Variants in ABCG2 observed in about 807,000 individuals in gnomAD.
ABCG2 encodes the protein ATP binding cassette subfamily G member 2 (JR blood group), also known as broad substrate specificity ATP-binding cassette transporter ABCG2.
In ABCG2, 80 loss-of-function variants were observed where a neutral mutation model predicts 73.5. That is an observed-to-expected ratio of 1.09 (90% confidence interval 0.91 to 1.31). The LOEUF is 1.31. Among genes scored for constraint, ABCG2 ranks in the 50% most tolerant of loss-of-function variants. ABCG2 has a pLI of 0.00. For synonymous variants in ABCG2, 269 were observed against 282.4 expected (o/e 0.95, Z 0.48); for missense variants, 796 against 786.2 (o/e 1.01, Z -0.15).
chr4:88,197,535 G>A (rs56361560), intron 1 of ABCG2, among the ~76,000 whole-genome samples: 21,513 of 152,062 alleles, frequency 0.14, 1,778 homozygotes, highest in Non-Finnish European at 0.18. Flanking sequence ...AGGATCCCCT[G>A]AGCCTGGAGA....
intron 5 of ABCG2, among the ~76,000 whole-genome samples, chr4:88,122,962 G>GA (rs369364725): frequency 2.6e-5 from 4 of 151,890 alleles, no homozygotes; most frequent in Admixed American, 2.6e-4. Flanking sequence ...AGCTTCCAGA[G>GA]AAAAAAAACA....
At chr4:88,150,172 C>G (rs113118251) in intron 1 of ABCG2, among the ~76,000 whole-genome samples, 1 of 152,014 alleles carries the variant, frequency 6.6e-6, no homozygotes, top group South Asian at 2.1e-4. Flanking sequence ...CAAAAATTAT[C>G]CGGGTGTGGT....
chr4:88,190,190 A>T (rs1474779096), intron 1 of ABCG2, among the ~76,000 whole-genome samples: 5 of 152,118 alleles, frequency 3.3e-5, no homozygotes, highest in Admixed American at 3.3e-4. Flanking sequence ...GATTTCTATT[A>T]TTAAAGCCTG....
intron 1 of ABCG2, among the ~76,000 whole-genome samples, chr4:88,167,128 T>G (rs1727552885): frequency 3.8e-5 from 1 of 26,002 alleles, no homozygotes. Flanking sequence ...CAAGTCAAAG[T>G]GTCAGCCAGC....
chr4:88,133,151 G>A (rs1725019426), intron 2 of ABCG2, among the ~76,000 whole-genome samples: 1 of 152,124 alleles, frequency 6.6e-6, no homozygotes, highest in African/African-American at 2.4e-5. Context: ...GAAATACATG[G>A]CGTGTTCTGA....
chr4:88,101,263 AC>A lies in ABCG2; in HGVS notation c.1333del (p.Val445TrpfsTer6), dbSNP rs1722390801. 1 of 1,613,982 alleles carries A rather than the reference AC, an allele frequency of 6.2e-7. No individual in the cohort carries two copies. Among genetic ancestry groups the A allele is most frequent in the Non-Finnish European group, 8.5e-7 (1 of 1,180,010 alleles). On this transcript the variant is annotated frameshift_variant, in exon 11 of 16. Transcript: ENST00000237612. LOFTEE classifies it high-confidence loss of function. ...CTTCTTCTCTACCACAAAGAGTTCCACGGCTGAAACACTGCTGAAACACTGG... is the reference window on the plus strand; with the variant it reads ...CTTCTTCTCTACCACAAAGAGTTCCAGGCTGAAACACTGCTGAAACACTGG... ...TNQCFSSVSA[V>X]ELFVVEKKLF... is the part of the protein sequence containing the mutation.
At chr4:88,182,418 A>G (rs1308691199) in intron 1 of ABCG2, among the ~76,000 whole-genome samples, 1 of 152,238 alleles carries the variant, frequency 6.6e-6, no homozygotes, top group Non-Finnish European at 1.5e-5. Context: ...AGATATTTAC[A>G]GAACATTTAT....
At chr4:88,150,750 G>A (rs941850705) in intron 1 of ABCG2, among the ~76,000 whole-genome samples, 9 of 152,190 alleles carry the variant, frequency 5.9e-5, no homozygotes, top group Admixed American at 2.0e-4. Context: ...CCACATGCAC[G>A]TTGGACAAGC....
At chr4:88,110,475 G>A (rs780952376) in intron 9 of ABCG2, among the ~76,000 whole-genome samples, 4 of 152,018 alleles carry the variant, frequency 2.6e-5, no homozygotes, top group Non-Finnish European at 5.9e-5. Flanking sequence ...CCCGGGAGGC[G>A]GAGGTTACAG....
intron 1 of ABCG2, among the ~76,000 whole-genome samples, chr4:88,148,257 A>G (rs939847696): frequency 6.6e-6 from 1 of 152,136 alleles, no homozygotes; most frequent in Non-Finnish European, 1.5e-5. Flanking sequence ...GGGTATATGC[A>G]CCCAAAGGGA....
At chr4:88,172,581 G>GAGA (rs1727798727) in intron 1 of ABCG2, among the ~76,000 whole-genome samples, 1 of 142,326 alleles carries the variant, frequency 7.0e-6, no homozygotes, top group South Asian at 2.2e-4. Flanking sequence ...CTGTCTCAGG[G>GAGA]AAAAAAAAAA....
At chr4:88,111,000 A>C (rs1723097618) in intron 9 of ABCG2, among the ~76,000 whole-genome samples, 1 of 152,206 alleles carries the variant, frequency 6.6e-6, no homozygotes. Flanking sequence ...TTCACTGATG[A>C]GGCAGGGAAG....
intron 1 of ABCG2, among the ~76,000 whole-genome samples, chr4:88,217,822 A>C (rs375129860): frequency 1.1e-4 from 16 of 152,004 alleles, no homozygotes; most frequent in African/African-American, 3.6e-4. Context: ...AAATATTAGC[A>C]GTGCACAGTA....
chr4:88,091,350 A>C lies in ABCG2; in HGVS notation c.*884T>G, dbSNP rs1721634687. On this transcript the variant is annotated 3_prime_UTR_variant, in exon 16 of 16. Coordinates refer to ENST00000237612, the MANE Select transcript of ABCG2 (RefSeq NM_004827.3). ...GGAAAGAAAACCTATGTAGGGACAG[A>C]TGTTAATAGTTATTAAATCCTAAGT... The C allele has an allele frequency of 6.6e-6, 1 of 152,246 alleles. No homozygotes were observed. Among genetic ancestry groups the C allele is most frequent in the African/African-American group, 2.4e-5 (1 of 41,456 alleles). The allele number at this position is 152,246 out of a possible 1,614,324, so 9.4% of individuals were successfully genotyped here.
At chr4:88,151,468 G>C (rs72554037) in intron 1 of ABCG2, among the ~76,000 whole-genome samples, 2 of 152,190 alleles carry the variant, frequency 1.3e-5, no homozygotes, top group Non-Finnish European at 2.9e-5. Flanking sequence ...GCTGGGTGCA[G>C]TGGCTCATGC....
intron 11 of ABCG2, 59 bp downstream of exon 11, chr4:88,101,171 G>A (rs1157478539): frequency 5.1e-5 from 75 of 1,479,764 alleles, no homozygotes; most frequent in Non-Finnish European, 7.1e-5. Flanking sequence ...GATGTAATCA[G>A]TCTAACCAAT....
intron 1 of ABCG2, among the ~76,000 whole-genome samples, chr4:88,202,354 T>TTATATATATATATATATATATATATATA (rs57530549): frequency 8.1e-5 from 5 of 62,074 alleles, no homozygotes; most frequent in Non-Finnish European, 1.3e-4. Flanking sequence ...CTACAATTAT[T>TTATATATATATATATATATATATATATA]TATATATATA....
At chr4:88,195,598 A>G (rs1728911012) in intron 1 of ABCG2, among the ~76,000 whole-genome samples, 1 of 152,210 alleles carries the variant, frequency 6.6e-6, no homozygotes, top group East Asian at 1.9e-4. Context: ...AGCAGGAGTA[A>G]AAGTTTATCA....
chr4:88,204,213 A>G lies in ABCG2; in HGVS notation c.-20+26781T>C, dbSNP rs540035146. 7.1e-4 allele frequency among the ~76,000 whole-genome samples: 108 copies of G among 152,158 alleles called. 1 individual carries two copies. The highest frequency in any genetic ancestry group is 2.4e-3 in the African/African-American group (101 of 41,502). On this transcript the variant is annotated intron_variant, in intron 1 of 15. Transcript: ENST00000515655. ...GAGGCGGGCAGATCACGGGGTCAAA[A>G]GATCGAGAATATCCCGGCCAACATG...
Sources: gnomAD v4.1 joint callset for allele counts (sites outside exome capture counted in the v4.1 genomes callset) on GRCh38, gnomAD v4.1.1 for gene constraint, MANE v1.5 for transcripts, NCBI Gene and HGNC (gene_info 2026-07-23, HGNC 2026-07-21) for gene names.